CFAP299: variants seen among roughly 807,000 people sequenced by gnomAD.
CFAP299 encodes the protein cilia and flagella associated protein 299.
CFAP299 carries 21 observed loss-of-function variants against 27.0 expected under a neutral mutation model. The ratio of observed to expected loss-of-function variants is 0.78; its 90% CI spans 0.55 to 1.12. The LOEUF is 1.12. CFAP299 is among the 50% of genes most tolerant of loss of function. The pLI, the probability that CFAP299 is intolerant of heterozygous loss-of-function variation, is 0.00. For synonymous variants in CFAP299, 104 were observed against 98.1 expected, an observed-to-expected ratio of 1.06 and a Z score of -0.36; for missense variants, 310 against 276.6, an observed-to-expected ratio of 1.12 and a Z score of -0.86.
intron 4 of CFAP299, among the ~76,000 whole-genome samples, chr4:80,892,388 C>G (rs1734352815): frequency 6.6e-6 from 1 of 152,138 alleles, no homozygotes; most frequent in South Asian, 2.1e-4. Flanking sequence ...TCTAAGACCT[C>G]AAACTATGAA....
intron 2 of CFAP299, among the ~76,000 whole-genome samples, chr4:80,433,760 A>T (rs914656063): frequency 1.3e-5 from 2 of 152,216 alleles, no homozygotes; most frequent in African/African-American, 4.8e-5. Context: ...CGTTAAAAAG[A>T]GGATACCCAA....
chr4:80,493,146 A>T (rs987115894), intron 2 of CFAP299, among the ~76,000 whole-genome samples: 1 of 152,244 alleles, frequency 6.6e-6, no homozygotes, highest in Non-Finnish European at 1.5e-5. Flanking sequence ...TAATAGTTAT[A>T]GTTATCCTCT....
intron 3 of CFAP299, among the ~76,000 whole-genome samples, chr4:80,715,200 G>T (rs951307592): frequency 2.6e-5 from 4 of 152,034 alleles, no homozygotes; most frequent in African/African-American, 9.7e-5. Context: ...TTAGGAAATA[G>T]GTGTTTGAAG....
At chr4:80,478,758 G>A (rs1730408615) in intron 2 of CFAP299, among the ~76,000 whole-genome samples, 1 of 150,424 alleles carries the variant, frequency 6.6e-6, no homozygotes, top group South Asian at 2.1e-4. Flanking sequence ...ACTTTGCTGT[G>A]AAAGACATTG....
intron 3 of CFAP299, among the ~76,000 whole-genome samples, chr4:80,653,561 C>A (rs1276331341): frequency 1.3e-5 from 2 of 151,958 alleles, no homozygotes; most frequent in Non-Finnish European, 2.9e-5. Context: ...CAGTGGTCCC[C>A]AAACACATAC....
chr4:80,532,272 T>G (rs544807716), intron 2 of CFAP299, among the ~76,000 whole-genome samples: 5 of 152,174 alleles, frequency 3.3e-5, no homozygotes, highest in Non-Finnish European at 7.4e-5. Flanking sequence ...ATTTTTTAAA[T>G]AAGACAAATT....
chr4:80,597,916 G>T (rs985260659), intron 3 of CFAP299, among the ~76,000 whole-genome samples: 1 of 152,108 alleles, frequency 6.6e-6, no homozygotes, highest in Non-Finnish European at 1.5e-5. Context: ...TGAACTCCTG[G>T]CCTCAAGTGA....
chr4:80,438,110 G>GAAT (rs1377841405), intron 2 of CFAP299, among the ~76,000 whole-genome samples: 1 of 152,186 alleles, frequency 6.6e-6, no homozygotes, highest in Non-Finnish European at 1.5e-5. Context: ...CAATAATATG[G>GAAT]AATATGTTAG....
chr4:80,422,124 TA>T (rs1217247563), intron 2 of CFAP299, among the ~76,000 whole-genome samples: 3 of 151,862 alleles, frequency 2.0e-5, no homozygotes, highest in Admixed American at 6.6e-5. Context: ...AAAAGAGATT[TA>T]AAAAAAATAC....
intron 3 of CFAP299, among the ~76,000 whole-genome samples, chr4:80,839,097 T>C (rs1309118324): frequency 6.6e-6 from 1 of 152,190 alleles, no homozygotes; most frequent in Non-Finnish European, 1.5e-5. Flanking sequence ...TTGCCTTTTA[T>C]GTGAATTAAA....
At chr4:80,590,687 T>C (rs1736689557) in intron 3 of CFAP299, among the ~76,000 whole-genome samples, 1 of 152,168 alleles carries the variant, frequency 6.6e-6, no homozygotes, top group Admixed American at 6.5e-5. Context: ...ACTTATTATT[T>C]AAAATGTTTA....
chr4:80,755,308 A>G (rs1725175536), intron 3 of CFAP299, among the ~76,000 whole-genome samples: 1 of 152,162 alleles, frequency 6.6e-6, no homozygotes, highest in Non-Finnish European at 1.5e-5. Context: ...AACAAAAAAA[A>G]AGACAAATAA....
At chr4:80,433,762 G>A (rs1164442210) in intron 2 of CFAP299, among the ~76,000 whole-genome samples, 1 of 152,020 alleles carries the variant, frequency 6.6e-6, no homozygotes, top group East Asian at 1.9e-4. Context: ...TTAAAAAGAG[G>A]ATACCCAATT....
intron 3 of CFAP299, among the ~76,000 whole-genome samples, chr4:80,844,912 A>G (rs1030357858): frequency 2.0e-5 from 3 of 152,156 alleles, no homozygotes; most frequent in African/African-American, 4.8e-5. Context: ...CCTTTAATCC[A>G]TCTTGAATTA....
intron 2 of CFAP299, among the ~76,000 whole-genome samples, chr4:80,449,479 AT>A (rs539285153): frequency 4.0e-5 from 6 of 150,256 alleles, no homozygotes; most frequent in Admixed American, 6.6e-5. Flanking sequence ...ATGGAATTTC[AT>A]TTTTTTTTAC....
chr4:80,433,170 A>C (rs1419648568), intron 2 of CFAP299, among the ~76,000 whole-genome samples: 1 of 152,128 alleles, frequency 6.6e-6, no homozygotes, highest in Non-Finnish European at 1.5e-5. Flanking sequence ...CACAGAGGAA[A>C]AAAAAAGATT....
At chr4:80,431,845 T>C (rs550050436) in intron 2 of CFAP299, among the ~76,000 whole-genome samples, 222 of 152,300 alleles carry the variant, frequency 1.5e-3, no homozygotes, top group Non-Finnish European at 2.4e-3. Context: ...AGTGGCTTGT[T>C]CTAATAGTGA....
chr4:80,362,684 G>A, intron 1 of CFAP299, 70 bp from the exon 2 acceptor site: 1 of 1,478,758 alleles, frequency 6.8e-7, no homozygotes, highest in Non-Finnish European at 9.0e-7. Context: ...GCAGATGTAA[G>A]ATATAAGTAA....
At position 80,387,830 on chromosome 4, in the gene CFAP299, G is replaced by A. The variant is rs1725099050; in HGVS notation, c.242+24946G>A. The A allele has an allele frequency of 5.4e-6, 8 of 1,471,398 alleles. No individual in the cohort carries two copies. In the Admixed American group the frequency reaches 8.4e-5, roughly 15 times the overall value. 91.1% of individuals were successfully genotyped at this position (1,471,398 alleles called of 1,614,324 possible). On this transcript the variant is annotated intron_variant, in intron 2 of 5. Transcript: ENST00000358105. The stretch of plus-strand genomic sequence containing the variant: ...GCCTTTGGCTTCCCTGTAGCTTCCA[G>A]GAGTCCCCTGGTACCTTTAGCCCGT...
Sources: gnomAD v4.1 joint callset for allele counts (sites outside exome capture counted in the v4.1 genomes callset) on GRCh38, gnomAD v4.1.1 for gene constraint, MANE v1.5 for transcripts, NCBI Gene and HGNC (gene_info 2026-07-23, HGNC 2026-07-21) for gene names.